The following CPM variants were observed in gnomAD, a reference collection of about 807,000 sequenced individuals.
CPM encodes renal carboxypeptidase.
In CPM, 35 loss-of-function variants were observed where a neutral mutation model predicts 46.4. The ratio of observed to expected loss-of-function variants is 0.75; its 90% CI spans 0.58 to 1.00. The LOEUF (loss-of-function observed/expected upper bound fraction) is 1.00. Ranked by LOEUF, CPM falls within the 50% of genes least tolerant of loss-of-function variation. CPM has a pLI of 0.00. For missense variants in CPM, 422 were observed against 530.4 expected (o/e 0.80, Z 2.01); for synonymous variants, 195 against 195.3 (o/e 1.00, Z 0.01).
intron 2 of CPM, among the ~76,000 whole-genome samples, chr12:68,890,883 A>G (rs943175953): frequency 1.3e-5 from 2 of 152,258 alleles, no homozygotes; most frequent in Non-Finnish European, 2.9e-5. Flanking sequence ...ACAAAGCTGC[A>G]GTGATGTGAA....
intron 2 of CPM, among the ~76,000 whole-genome samples, chr12:68,931,711 A>T (rs1050584127): frequency 7.2e-6 from 1 of 139,466 alleles, no homozygotes; most frequent in African/African-American, 2.8e-5. Context: ...ACGCCACTGC[A>T]CTCCAGCCTG....
intron 2 of CPM, among the ~76,000 whole-genome samples, chr12:68,895,644 T>C (rs1886841403): frequency 6.6e-6 from 1 of 152,164 alleles, no homozygotes; most frequent in Non-Finnish European, 1.5e-5. Context: ...CCCAGAACCA[T>C]AAAATTTTGT....
intron 5 of CPM, chr12:68,844,530 T>C (rs1439636259): frequency 4.4e-6 from 1 of 228,506 alleles, no homozygotes; most frequent in East Asian, 6.2e-5. Context: ...CTAGCCACCG[T>C]ACCACTTGTC....
At chr12:68,899,556 A>G (rs1050980295) in intron 2 of CPM, among the ~76,000 whole-genome samples, 21 of 152,190 alleles carry the variant, frequency 1.4e-4, no homozygotes, top group Admixed American at 1.3e-4. Flanking sequence ...TCATGGAGAG[A>G]CTCCAACTCA....
intron 3 of CPM, among the ~76,000 whole-genome samples, chr12:68,878,638 G>A (rs765869564): frequency 3.3e-5 from 5 of 152,148 alleles, no homozygotes; most frequent in Non-Finnish European, 5.9e-5. Context: ...CCCAGTCTCT[G>A]AATTTTTGGG....
Position 68,869,426 on chromosome 12 carries a change from T to C in CPM, c.686A>G (p.Tyr229Cys), listed in dbSNP as rs774516111. The C allele has an allele frequency of 1.9e-6, 3 of 1,613,982 alleles. No homozygotes were observed. Among genetic ancestry groups the C allele is most frequent in the Non-Finnish European group, 2.5e-6 (3 of 1,179,980 alleles). The part of the protein sequence containing the change: ...DDVFQYLAHT[Y>C]ASRNPNMKKG... ...CTTCATGTTGGGATTTCTTGAAGCA[T>C]AGGTATGTGCAAGATATTGAAAAAC... Residue 229 changes from tyrosine (Y) to cysteine (C), a missense_variant, in exon 6 of 9, where the codon TAT becomes TGT. Physicochemically the swap from Tyr to Cys is radical, Grantham distance 194. Transcript: ENST00000551568.
intron 4 of CPM, 103 bp downstream of exon 4, chr12:68,871,681 G>T (rs1417874501): frequency 1.6e-6 from 2 of 1,226,702 alleles, no homozygotes; most frequent in Non-Finnish European, 1.2e-6. Context: ...GGCTCTGAGG[G>T]CTCTCACCAT....
intron 7 of CPM, among the ~76,000 whole-genome samples, chr12:68,861,794 C>T (rs934803691): frequency 1.3e-5 from 2 of 151,236 alleles, no homozygotes; most frequent in African/African-American, 4.9e-5. Flanking sequence ...TCCCAAAGTG[C>T]TGGGATTACA....
At chr12:68,866,835 G>A in intron 7 of CPM, 61 bp downstream of exon 7, 1 of 1,437,612 alleles carries the variant, frequency 7.0e-7, no homozygotes, top group Non-Finnish European at 9.7e-7. Context: ...AGTCAACCCA[G>A]AGGTCTTGCC....
Position 68,916,108 on chromosome 12 carries a change from A to C in CPM, c.160+16570T>G, listed in dbSNP as rs1028587847. ...CTGCTCACGCACACAGCTGTTACAT[A>C]CTGCCTCAAATATAAGTGGTTGTAA... On this transcript the variant is annotated intron_variant, in intron 2 of 8. Transcript: ENST00000551568. Among the ~76,000 whole-genome samples, 3 of 152,216 alleles carry C rather than the reference A, an allele frequency of 2.0e-5. No homozygotes were observed. In the East Asian group the frequency reaches 5.8e-4, roughly 29 times the overall value.
In CPM at chr12:68,854,755, G is replaced by A. The variant is rs1323111829; in HGVS notation, c.*1682C>T. 6.6e-6 allele frequency: 1 copy of A among 152,428 alleles called. No homozygotes were observed. Among genetic ancestry groups the A allele is most frequent in the Non-Finnish European group, 1.5e-5 (1 of 68,214 alleles). The allele number at this position is 152,428 out of a possible 1,614,324, so 9.4% of individuals were successfully genotyped here. Reference sequence around the variant, plus strand: ...GAAGAGGAGAAGGCTGGGAGCAAGGGACCAGTAAGCTGTTGCAGCAGTGCA... The same window carrying A: ...GAAGAGGAGAAGGCTGGGAGCAAGGAACCAGTAAGCTGTTGCAGCAGTGCA... On this transcript the variant is annotated 3_prime_UTR_variant, in exon 9 of 9. Coordinates refer to ENST00000551568, the MANE Select transcript of CPM (RefSeq NM_198320.5).
intron 2 of CPM, among the ~76,000 whole-genome samples, chr12:68,915,810 G>A (rs3782340): frequency 0.076 from 11,596 of 152,220 alleles, 950 homozygotes; most frequent in African/African-American, 0.2. Flanking sequence ...TTACCGAACC[G>A]AATCTATCAC....
chr12:68,906,881 A>G (rs1395340382), intron 2 of CPM, among the ~76,000 whole-genome samples: 1 of 152,228 alleles, frequency 6.6e-6, no homozygotes, highest in Non-Finnish European at 1.5e-5. Flanking sequence ...TGTTGTATAA[A>G]TGTAAATCAT....
At position 68,931,744 on chromosome 12, in the gene CPM, C is replaced by CAA. The variant is rs1230893187; in HGVS notation, c.160+932_160+933dup. Among the ~76,000 whole-genome samples the CAA allele has an allele frequency of 8.1e-3, 289 of 35,696 alleles. 6 individuals are homozygous for CAA. Among genetic ancestry groups the CAA allele is most frequent in the African/African-American group, 9.9e-3 (102 of 10,286 alleles). The allele number at this position is 35,696 out of a possible 152,430, so 23.4% of individuals were successfully genotyped here. The stretch of plus-strand genomic sequence containing the variant: ...CTGGGCAACAGAGCGAGACTCTGAC[C>CAA]AAAAAAAAAAAAAAAAAAAAAAGAA... On this transcript the variant is annotated intron_variant, in intron 2 of 8. Transcript: ENST00000551568.
At chr12:68,950,944 G>A (rs576513840) in intron 1 of CPM, among the ~76,000 whole-genome samples, 15 of 152,284 alleles carry the variant, frequency 9.9e-5, no homozygotes, top group African/African-American at 2.6e-4. Flanking sequence ...CCCAAGCACC[G>A]GGTGCAGAAG....
Position 68,945,333 on chromosome 12 carries a change from G to A in CPM, c.-3-12493C>T, listed in dbSNP as rs929788201. ...CCCCAGGAATTAGCAAAGACAGCCA[G>A]CCTGTGAGACTAGAAGCAAGATGGA... On this transcript the variant is annotated intron_variant, in intron 1 of 8. Transcript: ENST00000546373. Among the ~76,000 whole-genome samples the A allele has an allele frequency of 7.2e-5, 11 of 152,306 alleles. No homozygotes were observed. The East Asian group carries it at 2.1e-3, about 29-fold the overall frequency.
At chr12:68,848,020 A>G (rs886460831), downstream of CPM, 1 of 152,190 alleles carries the variant, frequency 6.6e-6, no homozygotes, top group African/African-American at 2.4e-5. Context: ...GGTGGCATGC[A>G]TGGGAGACTG....
intron 7 of CPM, among the ~76,000 whole-genome samples, chr12:68,864,816 C>T (rs1317570950): frequency 1.3e-5 from 2 of 152,124 alleles, no homozygotes; most frequent in Non-Finnish European, 1.5e-5. Context: ...GTTTGGGACT[C>T]ACCTGGACAA....
chr12:68,948,769 T>C (rs1265902974), intron 1 of CPM, among the ~76,000 whole-genome samples: 1 of 152,182 alleles, frequency 6.6e-6, no homozygotes, highest in African/African-American at 2.4e-5. Context: ...GCTCCAGAAG[T>C]AAAAAGTCTT....
Sources: gnomAD v4.1 joint callset for allele counts (sites outside exome capture counted in the v4.1 genomes callset) on GRCh38, gnomAD v4.1.1 for gene constraint, MANE v1.5 for transcripts, NCBI Gene and HGNC (gene_info 2026-07-23, HGNC 2026-07-21) for gene names.